Variants in HS3ST2 observed in about 807,000 individuals in gnomAD.
The protein encoded by HS3ST2 is heparan sulfate-glucosamine 3-sulfotransferase 2, also known as heparan sulfate glucosamine 3-O-sulfotransferase 2.
HS3ST2 carries 17 observed loss-of-function variants against 26.3 expected under a neutral mutation model. That is an observed-to-expected ratio of 0.65 (90% confidence interval 0.44 to 0.97). The LOEUF (loss-of-function observed/expected upper bound fraction) is 0.97, where lower values mean the gene tolerates loss of function less well. Ranked by LOEUF, HS3ST2 falls within the 50% of genes least tolerant of loss-of-function variation. The pLI is 0.00. For synonymous variants in HS3ST2, 237 were observed against 219.2 expected (o/e 1.08, Z -0.72); for missense variants, 402 against 501.2 (o/e 0.80, Z 1.89).
chr16:22,848,031 C>G (rs1262579849), intron 1 of HS3ST2, among the ~76,000 whole-genome samples: 2 of 152,102 alleles, frequency 1.3e-5, no homozygotes, highest in Admixed American at 6.5e-5. Flanking sequence ...ATCAGGTCAG[C>G]CTCATGTGTT....
chr16:22,884,659 A>AATATAT (rs1309009636), intron 1 of HS3ST2, among the ~76,000 whole-genome samples: 10 of 139,052 alleles, frequency 7.2e-5, no homozygotes, highest in Non-Finnish European at 1.4e-4. Flanking sequence ...TAGAGAAAAA[A>AATATAT]ATATATATAT....
rs71151684 is a variant in HS3ST2 at position 22,832,151 on chromosome 16, CTT to C, written c.485+17073_485+17074del. Among the ~76,000 whole-genome samples the C allele has an allele frequency of 6.9e-4, 80 of 115,404 alleles. 1 individual carries two copies. Among genetic ancestry groups the C allele is most frequent in the African/African-American group, 1.8e-3 (56 of 31,310 alleles). 75.7% of individuals were successfully genotyped at this position (115,404 alleles called of 152,430 possible). On this transcript the variant is annotated intron_variant, in intron 1 of 1. Transcript: ENST00000261374. ...GCATGTGCTACCATCCCCAGCTGAT[CTT>C]TTTTTTTTTTTTTTTTAATTTTTAG...
At chr16:22,914,913 A>G (rs376231850) in intron 1 of HS3ST2, 31 bp from the exon 2 acceptor site, 5 of 1,580,138 alleles carry the variant, frequency 3.2e-6, no homozygotes, top group East Asian at 2.2e-5. Flanking sequence ...AGGGAAACCT[A>G]TTTGATGATG....
At position 22,818,609 on chromosome 16, in the gene HS3ST2, TCCTTC is replaced by T. The variant is rs935082654; in HGVS notation, c.485+3526_485+3530del. On this transcript the variant is annotated intron_variant, in intron 1 of 1. Coordinates refer to ENST00000261374, the MANE Select transcript of HS3ST2 (RefSeq NM_006043.2). ...GATAGTTCCATACTTTCCTCTTTATTCCTTCCCTTCCCTTCCTCCTTCCCTCTCTC... is the reference window on the plus strand; with the variant it reads ...GATAGTTCCATACTTTCCTCTTTATTCCTTCCCTTCCTCCTTCCCTCTCTC... Among the ~76,000 whole-genome samples the T allele has an allele frequency of 6.8e-4, 104 of 152,082 alleles. 2 individuals carry two copies. The highest frequency in any genetic ancestry group is 4.6e-4 in the Admixed American group (7 of 15,284).
intron 1 of HS3ST2, among the ~76,000 whole-genome samples, chr16:22,829,365 G>A (rs1205982795): frequency 6.6e-6 from 1 of 152,170 alleles, no homozygotes; most frequent in Non-Finnish European, 1.5e-5. Flanking sequence ...TTTAAATAGG[G>A]TATTTGGTCC....
chr16:22,824,898 C>T (rs752615794), intron 1 of HS3ST2, among the ~76,000 whole-genome samples: 2 of 152,066 alleles, frequency 1.3e-5, no homozygotes, highest in Non-Finnish European at 2.9e-5. Context: ...AACCCCAGAT[C>T]AACCCTGAGG....
In HS3ST2 at chr16:22,899,954, C is replaced by T. The variant is rs566090810; in HGVS notation, c.486-14990C>T. Reference sequence around the variant, plus strand: ...CCCCTTTGTGTTGGCAATCAGATATCTGGAGTGGAACCAGCCTTTGATTTC... The same window carrying T: ...CCCCTTTGTGTTGGCAATCAGATATTTGGAGTGGAACCAGCCTTTGATTTC... On this transcript the variant is annotated intron_variant, in intron 1 of 1. Coordinates refer to ENST00000261374, the MANE Select transcript of HS3ST2 (RefSeq NM_006043.2). Among the ~76,000 whole-genome samples, 7 of 152,350 alleles carry T rather than the reference C, an allele frequency of 4.6e-5. No homozygotes were observed. In the East Asian group the frequency reaches 1.4e-3, roughly 29 times the overall value.
Position 22,837,591 on chromosome 16 carries a change from G to A in HS3ST2, c.485+22496G>A, listed in dbSNP as rs1388268389. ...CATATATATATATACACACACACAC[G>A]GACATATATATATTGACATATATGT... On this transcript the variant is annotated intron_variant, in intron 1 of 1. Transcript: ENST00000261374. Among the ~76,000 whole-genome samples, 9 of 97,800 alleles carry A rather than the reference G, an allele frequency of 9.2e-5. No individual in the cohort carries two copies. In the East Asian group the frequency reaches 2.4e-3, roughly 26 times the overall value. The allele number at this position is 97,800 out of a possible 152,430, so 64.2% of individuals were successfully genotyped here.
At chr16:22,863,439 A>G (rs1208256751) in intron 1 of HS3ST2, among the ~76,000 whole-genome samples, 1 of 152,018 alleles carries the variant, frequency 6.6e-6, no homozygotes, top group East Asian at 1.9e-4. Flanking sequence ...AATAATTTTA[A>G]CTTTTATTTT....
At chr16:22,827,493 G>T (rs1901106408) in intron 1 of HS3ST2, among the ~76,000 whole-genome samples, 1 of 152,106 alleles carries the variant, frequency 6.6e-6, no homozygotes, top group South Asian at 2.1e-4. Flanking sequence ...TGCAGCAGTG[G>T]TGGTGGAGAG....
intron 1 of HS3ST2, among the ~76,000 whole-genome samples, chr16:22,820,894 A>G (rs1900981627): frequency 6.6e-6 from 1 of 152,232 alleles, no homozygotes; most frequent in Non-Finnish European, 1.5e-5. Flanking sequence ...CTCTGAAATT[A>G]GCATGTATCT....
chr16:22,842,312 C>T (rs1901371022), intron 1 of HS3ST2, among the ~76,000 whole-genome samples: 1 of 152,174 alleles, frequency 6.6e-6, no homozygotes, highest in South Asian at 2.1e-4. Flanking sequence ...ATTCACCCGC[C>T]TCAGCCTCCC....
chr16:22,821,019 C>T (rs1053994507), intron 1 of HS3ST2, among the ~76,000 whole-genome samples: 1 of 152,164 alleles, frequency 6.6e-6, no homozygotes, highest in African/African-American at 2.4e-5. Context: ...TCTGGACCTT[C>T]CAAAGAGCCA....
intron 1 of HS3ST2, among the ~76,000 whole-genome samples, chr16:22,892,834 G>A (rs66710614): frequency 0.076 from 11,494 of 152,110 alleles, 574 homozygotes; most frequent in South Asian, 0.13. Context: ...TTCAAAATGC[G>A]TTGGCTCTTT....
intron 1 of HS3ST2, among the ~76,000 whole-genome samples, chr16:22,883,963 G>C (rs1431285227): frequency 1.3e-5 from 2 of 152,096 alleles, no homozygotes; most frequent in African/African-American, 4.8e-5. Flanking sequence ...CATAAATGTG[G>C]CTTCCAGACC....
At chr16:22,861,482 G>T (rs2141189394) in intron 1 of HS3ST2, among the ~76,000 whole-genome samples, 1 of 152,074 alleles carries the variant, frequency 6.6e-6, no homozygotes, top group Non-Finnish European at 1.5e-5. Flanking sequence ...GGTAGGTGAA[G>T]TGACCAGAAG....
At chr16:22,856,969 A>G (rs1901604959) in intron 1 of HS3ST2, among the ~76,000 whole-genome samples, 1 of 152,176 alleles carries the variant, frequency 6.6e-6, no homozygotes, top group Non-Finnish European at 1.5e-5. Context: ...CGTAATCTCA[A>G]TGGCAATCCT....
chr16:22,870,851 G>A (rs527455298), intron 1 of HS3ST2, among the ~76,000 whole-genome samples: 2 of 152,158 alleles, frequency 1.3e-5, no homozygotes, highest in Non-Finnish European at 2.9e-5. Context: ...TGCTGCTTAG[G>A]ACTTATAACC....
intron 1 of HS3ST2, among the ~76,000 whole-genome samples, chr16:22,834,704 T>C (rs907710412): frequency 8.1e-6 from 1 of 124,038 alleles, no homozygotes; most frequent in African/African-American, 2.8e-5. Flanking sequence ...TTGATACAAA[T>C]TACCAAGTTT....
Sources: gnomAD v4.1 joint callset for allele counts (sites outside exome capture counted in the v4.1 genomes callset) on GRCh38, gnomAD v4.1.1 for gene constraint, MANE v1.5 for transcripts, NCBI Gene and HGNC (gene_info 2026-07-23, HGNC 2026-07-21) for gene names.